Variants in MAPK8IP2 observed in about 807,000 individuals in gnomAD.
The protein encoded by MAPK8IP2 is mitogen-activated protein kinase 8 interacting protein 2.
Under a neutral mutation model 75.6 loss-of-function variants are expected in MAPK8IP2, and 15 were observed. The observed-to-expected ratio is 0.20, with a 90% CI of 0.13 to 0.31. The LOEUF (loss-of-function observed/expected upper bound fraction) is 0.31. Ranked by LOEUF, MAPK8IP2 falls within the 10% of genes least tolerant of loss-of-function variation. The probability of loss-of-function intolerance (pLI) is 1.00; values close to 1 mark genes in which losing one functional copy is unlikely to be tolerated. For missense variants in MAPK8IP2, 1,089 were observed against 1,211.2 expected (o/e 0.90, Z 1.50); for synonymous variants, 632 against 554.5 (o/e 1.14, Z -1.96).
At chr22:50,606,537 G>A (rs1235374738) in intron 8 of MAPK8IP2, 121 bp from the exon 9 acceptor site, 3 of 735,532 alleles carry the variant, frequency 4.1e-6, no homozygotes, top group Middle Eastern at 2.3e-4. Context: ...GCATCTCAGG[G>A]TCCTCAGCAT....
chr22:50,609,659 G>A (rs74786443), intron 10 of MAPK8IP2: 13,498 of 439,192 alleles, frequency 0.031, 293 homozygotes, highest in Non-Finnish European at 0.038. Context: ...TCTGGACGAC[G>A]ATTTTTGATT....
In MAPK8IP2 at chr22:50,607,024, C is replaced by T. The variant is rs765509141; in HGVS notation, c.2303+33C>T. The T allele has an allele frequency of 3.6e-5, 57 of 1,583,300 alleles. No homozygotes were observed. The highest frequency in any genetic ancestry group is 8.1e-5 in the African/African-American group (6 of 74,412). On this transcript the variant is annotated intron_variant, in intron 10 of 11. Transcript: ENST00000329492. The surrounding 1 kb of genome is among the most constrained non-coding windows in gnomAD (Gnocchi z 5.6). Reference sequence around the variant, plus strand: ...TCTGACCGTCCCCGAGTCCCCCAACCGCCCCCACAAACCCTGAGAGTCCAA... The same window carrying T: ...TCTGACCGTCCCCGAGTCCCCCAACTGCCCCCACAAACCCTGAGAGTCCAA...
intron 5 of MAPK8IP2, 91 bp from the exon 6 acceptor site, chr22:50,605,277 G>A: frequency 7.8e-7 from 1 of 1,277,370 alleles, no homozygotes; most frequent in Non-Finnish European, 1.1e-6. Context: ...ACTGTGGAGG[G>A]GACTTGGCCT....
chr22:50,612,294 C>T lies in MAPK8IP2; in HGVS notation c.*1515C>T, dbSNP rs1342710649. The T allele has an allele frequency of 3.3e-5, 5 of 152,300 alleles. No homozygotes were observed. Among genetic ancestry groups the T allele is most frequent in the Non-Finnish European group, 2.9e-5 (2 of 68,028 alleles). 9.4% of individuals were successfully genotyped at this position (152,300 alleles called of 1,614,324 possible). Reference sequence around the variant, plus strand: ...ATGTGCTTAGGTGACTGCAGATGCCCGGCAATGTTCCCTCCCAGGCCCTCC... The same window carrying T: ...ATGTGCTTAGGTGACTGCAGATGCCTGGCAATGTTCCCTCCCAGGCCCTCC... On this transcript the variant is annotated 3_prime_UTR_variant, in exon 12 of 12. Transcript: ENST00000329492.
chr22:50,606,069 A>T, intron 8 of MAPK8IP2, 135 bp downstream of exon 8: 1 of 745,092 alleles, frequency 1.3e-6, no homozygotes, highest in Non-Finnish European at 2.2e-6. Context: ...GGGATGCTGC[A>T]GGGGGAGCTC....
intron 9 of MAPK8IP2, 74 bp from the exon 10 acceptor site, chr22:50,606,847 T>G: frequency 6.3e-7 from 1 of 1,591,856 alleles, no homozygotes. Flanking sequence ...CTGGCAGGGG[T>G]GTCCAGTAGG....
chr22:50,602,235 C>CCTCTGCAGCCCTGTGCCCTCGTCTGCAG (rs1569062820), intron 2 of MAPK8IP2, among the ~76,000 whole-genome samples: 1 of 152,228 alleles, frequency 6.6e-6, no homozygotes, highest in Non-Finnish European at 1.5e-5. Flanking sequence ...AACCTTGTCC[C>CCTCTGCAGCCCTGTGCCCTCGTCTGCAG]CTCTGCAGCC....
In MAPK8IP2 at chr22:50,600,843, T is replaced by C. The variant is rs1215337244; in HGVS notation, c.25T>C (p.Ser9Pro). The C allele has an allele frequency of 7.6e-7, 1 of 1,310,644 alleles. No homozygotes were observed. Among genetic ancestry groups the C allele is most frequent in the South Asian group, 1.4e-5 (1 of 73,756 alleles). The allele number at this position is 1,310,644 out of a possible 1,614,324, so 81.2% of individuals were successfully genotyped here. ...GATGGCGGATCGCGCGGAGATGTTT[T>C]CTCTCTCCACCTTCCACTCGCTGTC... Reference protein sequence around the residue: MADRAEMFSLSTFHSLSPP... With the variant: MADRAEMFPLSTFHSLSPP... Residue 9 changes from serine (S) to proline (P), a missense_variant, in exon 1 of 12, where the codon TCT (serine) becomes CCT (proline). Ser to Pro is a moderately conservative substitution (Grantham distance 74). This residue lies in a region of MAPK8IP2 where 960 missense variants were observed against 1,009.6 expected (regional missense o/e 0.95). Coordinates refer to ENST00000329492, the MANE Select transcript of MAPK8IP2 (RefSeq NM_012324.6).
Position 50,605,952 on chromosome 22 carries a change from G to T in MAPK8IP2, c.2124+18G>T, listed in dbSNP as rs1043947904. The T allele has an allele frequency of 1.3e-6, 2 of 1,541,048 alleles. No homozygotes were observed. The highest frequency in any genetic ancestry group is 8.8e-7 in the Non-Finnish European group (1 of 1,142,800). On this transcript the variant is annotated intron_variant, in intron 8 of 11. Transcript: ENST00000329492. ...TGCAGAAGGTCAGTGTGGAGGCCGG[G>T]CAAGTGCAGGCTGAGGGTCCGCTTG...
chr22:50,600,933 C>T (rs1459651336), intron 1 of MAPK8IP2, 50 bp downstream of exon 1: 3 of 799,274 alleles, frequency 3.8e-6, no homozygotes, highest in Admixed American at 4.7e-5. Context: ...CCCTGCGCAC[C>T]CCCCCGACCC....
In MAPK8IP2 at chr22:50,604,706, G is replaced by T; in HGVS notation, c.1407G>T (p.Glu469Asp). The change falls in exon 5 of 12, where the codon GAG becomes GAT. Residue 469 changes from glutamate to aspartate, a missense_variant. Glu to Asp is a conservative substitution (Grantham distance 45, BLOSUM62 2). This residue lies in a region of MAPK8IP2 where 960 missense variants were observed against 1,009.6 expected (regional missense o/e 0.95). Transcript: ENST00000329492. ...GAGCCTGCTCCGCCGCCTGCTCCGA[G>T]GAGGAGGACGAAGAGGACGACGAGG... Reference protein sequence around the residue: ...PGRACSAACSEEEDEEDDEEE... With the variant: ...PGRACSAACSDEEDEEDDEEE... The T allele has an allele frequency of 6.5e-7, 1 of 1,527,120 alleles. No homozygotes were observed. The highest frequency in any genetic ancestry group is 1.2e-5 in the South Asian group (1 of 82,010). 94.6% of individuals were successfully genotyped at this position (1,527,120 alleles called of 1,614,324 possible).
intron 7 of MAPK8IP2, 41 bp downstream of exon 7, chr22:50,605,775 C>G (rs1458404495): frequency 1.3e-6 from 2 of 1,599,768 alleles, no homozygotes. Context: ...CACCCCAGAT[C>G]CTCCCCTGTG....
In MAPK8IP2 at chr22:50,604,065, T is replaced by C. The variant is rs776374144; in HGVS notation, c.766T>C (p.Ser256Pro). 8 of 1,543,576 alleles carry C rather than the reference T, an allele frequency of 5.2e-6. No individual in the cohort carries two copies. In the South Asian group the frequency reaches 9.5e-5, roughly 18 times the overall value. The change falls in exon 5 of 12, where the codon TCG becomes CCG. Residue 256 changes from serine to proline, a missense_variant. By Grantham distance (74) the Ser-to-Pro change is moderately conservative (BLOSUM62 -1). Coordinates refer to ENST00000329492, the MANE Select transcript of MAPK8IP2 (RefSeq NM_012324.6). Reference sequence around the variant, plus strand: ...GGAGCTGTCCTCGCCCGGCTCCGACTCGGAGGACGCGGGCGGCGCGCGCCT... The same window carrying C: ...GGAGCTGTCCTCGCCCGGCTCCGACCCGGAGGACGCGGGCGGCGCGCGCCT... ...SQELSSPGSD[S>P]EDAGGARLGR...
Position 50,605,072 on chromosome 22 carries a change from A to G in MAPK8IP2, c.1765+8A>G, listed in dbSNP as rs929187088. On this transcript the variant is annotated splice_region_variant and intron_variant, in intron 5 of 11. Transcript: ENST00000329492. ...GCACATCTCGGTCCTCCAGTGAGTG[A>G]GAGGTGGGGAAAAGGGGGGTGGCCC... 1 of 1,612,094 alleles carries G rather than the reference A, an allele frequency of 6.2e-7. No individual in the cohort carries two copies. The highest frequency in any genetic ancestry group is 1.3e-5 in the African/African-American group (1 of 74,798).
At position 50,600,830 on chromosome 22, in the gene MAPK8IP2, C is replaced by T; in HGVS notation, c.12C>T (p.Arg4=). MAD[R]AEMFSLSTFH... ...CTCTCCCGGAGAAGATGGCGGATCG[C>T]GCGGAGATGTTTTCTCTCTCCACCT... The change falls in exon 1 of 12, where the codon CGC becomes CGT. Residue 4 remains arginine, a synonymous_variant. Coordinates refer to ENST00000329492, the MANE Select transcript of MAPK8IP2 (RefSeq NM_012324.6). 7.7e-7 allele frequency: 1 copy of T among 1,300,456 alleles called. No homozygotes were observed. Among genetic ancestry groups the T allele is most frequent in the Non-Finnish European group, 1.0e-6 (1 of 998,450 alleles). The allele number at this position is 1,300,456 out of a possible 1,614,324, so 80.6% of individuals were successfully genotyped here. A position where few individuals can be genotyped will look rare whatever the true frequency, so the allele number is the denominator to read the frequency against.
intron 2 of MAPK8IP2, 169 bp from the exon 3 acceptor site, chr22:50,603,054 T>A: frequency 7.1e-7 from 1 of 1,416,800 alleles, no homozygotes; most frequent in Non-Finnish European, 9.5e-7. Context: ...GTGATCCCAA[T>A]GTGTGTTAGG....
chr22:50,608,772 ACGGGGCG>A (rs2071095052), intron 10 of MAPK8IP2, among the ~76,000 whole-genome samples: 4 of 122,872 alleles, frequency 3.3e-5, no homozygotes, highest in African/African-American at 1.3e-4. Context: ...GGGACAGCGG[ACGGGGCG>A]CAGACCAGAC....
Position 50,603,838 on chromosome 22 carries a change from C to T in MAPK8IP2, c.542-3C>T. ...AGGGTGACCCCACCTCCCTGCCCAG[C>T]AGAGCTCCCGGGCCCCCTCCCTGCC... is the stretch of plus-strand genomic sequence containing the variant. On this transcript the variant is annotated splice_polypyrimidine_tract_variant and splice_region_variant and intron_variant, in intron 4 of 11. Coordinates refer to ENST00000329492, the MANE Select transcript of MAPK8IP2 (RefSeq NM_012324.6). 2.0e-6 allele frequency: 3 copies of T among 1,526,542 alleles called. No homozygotes were observed. Among genetic ancestry groups the T allele is most frequent in the Non-Finnish European group, 2.6e-6 (3 of 1,137,098 alleles). 94.6% of individuals were successfully genotyped at this position (1,526,542 alleles called of 1,614,324 possible).
Position 50,610,922 on chromosome 22 carries a change from C to A in MAPK8IP2, c.*143C>A. 1 of 683,354 alleles carries A rather than the reference C, an allele frequency of 1.5e-6. No individual in the cohort carries two copies. Among genetic ancestry groups the A allele is most frequent in the Non-Finnish European group, 2.4e-6 (1 of 417,516 alleles). 42.3% of individuals were successfully genotyped at this position (683,354 alleles called of 1,614,324 possible). A position where few individuals can be genotyped will look rare whatever the true frequency, so the allele number is the denominator to read the frequency against. On this transcript the variant is annotated 3_prime_UTR_variant, in exon 12 of 12. Coordinates refer to ENST00000329492, the MANE Select transcript of MAPK8IP2 (RefSeq NM_012324.6). The surrounding 1 kb of genome is among the most constrained non-coding windows in gnomAD (Gnocchi z 4.3). Reference sequence around the variant, plus strand: ...CTTGTGGGGGTCTGCGGGCTGGGAACTCTCGTCCTCGGTCCCCAGGGCGCA... The same window carrying A: ...CTTGTGGGGGTCTGCGGGCTGGGAAATCTCGTCCTCGGTCCCCAGGGCGCA...
Sources: allele counts gnomAD v4.1 joint callset (sites outside exome capture counted in the v4.1 genomes callset), GRCh38; gene constraint gnomAD v4.1.1; regional missense constraint gnomAD v4.1.1; non-coding constraint Gnocchi (gnomAD v3.1); transcripts MANE v1.5; gene names NCBI Gene and HGNC (gene_info 2026-07-23, HGNC 2026-07-21).